TRAF3IP3: variants seen among roughly 807,000 people sequenced by gnomAD.
TRAF3IP3 encodes the protein TRAF3 interacting protein 3, also known as TRAF3-interacting JNK-activating modulator.
A neutral mutation model predicts 86.5 loss-of-function variants in TRAF3IP3; 64 were observed. That is an observed-to-expected ratio of 0.74 (90% CI 0.60 to 0.91). TRAF3IP3 has a LOEUF of 0.91. Among genes scored for constraint, TRAF3IP3 ranks in the 40% least tolerant of loss-of-function variants. The probability of loss-of-function intolerance (pLI) is 0.00; values close to 1 mark genes in which losing one functional copy is unlikely to be tolerated. For missense variants in TRAF3IP3, 579 were observed against 642.9 expected, an observed-to-expected ratio of 0.90 and a Z score of 1.07; for synonymous variants, 220 against 243.9, an observed-to-expected ratio of 0.90 and a Z score of 0.91.
At chr1:209,760,807 A>C (rs1161912895) in intron 3 of TRAF3IP3, among the ~76,000 whole-genome samples, 1 of 152,006 alleles carries the variant, frequency 6.6e-6, no homozygotes, top group Non-Finnish European at 1.5e-5. Context: ...GGTGGTGCAC[A>C]CCTGTAGTCC....
Position 209,760,028 on chromosome 1 carries a change from T to G in TRAF3IP3, c.-12T>G, listed in dbSNP as rs759163069. 2.8e-5 allele frequency: 45 copies of G among 1,600,460 alleles called. No individual in the cohort carries two copies. In the East Asian group the frequency reaches 1.0e-3, roughly 36 times the overall value. Reference sequence around the variant, plus strand: ...ACTGGAAGCCAAGCGCAACAGGTGCTTGGAGGTCATCATGATCAGCCCAGA... The same window carrying G: ...ACTGGAAGCCAAGCGCAACAGGTGCGTGGAGGTCATCATGATCAGCCCAGA... On this transcript the variant is annotated 5_prime_UTR_variant, in exon 3 of 17. Transcript: ENST00000367025.
In TRAF3IP3 at chr1:209,760,404, A is replaced by T; in HGVS notation, c.345+20A>T. The stretch of plus-strand genomic sequence containing the variant: ...GAGCAGGTGGGCCGTGTCAAGGGAC[A>T]TACTGCTGTGTGCTCTGGGACCCTC... On this transcript the variant is annotated intron_variant, in intron 3 of 16. Transcript: ENST00000367025. 6.4e-7 allele frequency: 1 copy of T among 1,551,102 alleles called. No homozygotes were observed. The highest frequency in any genetic ancestry group is 1.2e-5 in the South Asian group (1 of 84,196).
chr1:209,766,011 G>A (rs559144086), intron 8 of TRAF3IP3, among the ~76,000 whole-genome samples: 30 of 152,296 alleles, frequency 2.0e-4, no homozygotes, highest in African/African-American at 5.5e-4. Context: ...AAAGCATACC[G>A]CACCGGGTGG....
At chr1:209,771,063 G>GGT (rs541860748) in intron 8 of TRAF3IP3, among the ~76,000 whole-genome samples, 41,217 of 112,140 alleles carry the variant, frequency 0.37, 9,420 homozygotes, top group African/African-American at 0.65. Context: ...TGCATGTGGA[G>GGT]GTGTGTGTGC....
Position 209,763,494 on chromosome 1 carries a change from G to C in TRAF3IP3, c.609G>C (p.Glu203Asp). The C allele has an allele frequency of 1.2e-6, 2 of 1,614,166 alleles. No homozygotes were observed. Among genetic ancestry groups the C allele is most frequent in the Non-Finnish European group, 1.7e-6 (2 of 1,180,012 alleles). Residue 203 changes from glutamate (E) to aspartate (D), a missense_variant and splice_region_variant, in exon 8 of 17, where the codon GAG becomes GAC. Physicochemically the swap from Glu to Asp is conservative, Grantham distance 45. Coordinates refer to ENST00000367025, the MANE Select transcript of TRAF3IP3 (RefSeq NM_025228.4). Reference sequence around the variant, plus strand: ...GCACTTTGTGCCCGCACCCCCAGGAGGCCCTACAAAGGGAGCTGGTCCTAA... The same window carrying C: ...GCACTTTGTGCCCGCACCCCCAGGACGCCCTACAAAGGGAGCTGGTCCTAA... Reference protein sequence around the residue: ...EIIQLSDYLKEALQRELVLKQ... With the variant: ...EIIQLSDYLKDALQRELVLKQ...
intron 8 of TRAF3IP3, among the ~76,000 whole-genome samples, chr1:209,765,925 C>T (rs1029519423): frequency 6.6e-6 from 1 of 152,160 alleles, no homozygotes; most frequent in African/African-American, 2.4e-5. Context: ...CTCAGAATCC[C>T]CATGTTGAAA....
In TRAF3IP3 at chr1:209,760,020, A is replaced by C; in HGVS notation, c.-20A>C. On this transcript the variant is annotated 5_prime_UTR_variant, in exon 3 of 17. Transcript: ENST00000367025. Reference sequence around the variant, plus strand: ...TTCCAGGAACTGGAAGCCAAGCGCAACAGGTGCTTGGAGGTCATCATGATC... The same window carrying C: ...TTCCAGGAACTGGAAGCCAAGCGCACCAGGTGCTTGGAGGTCATCATGATC... The C allele has an allele frequency of 1.3e-6, 2 of 1,587,796 alleles. No homozygotes were observed. Among genetic ancestry groups the C allele is most frequent in the African/African-American group, 2.7e-5 (2 of 74,364 alleles).
chr1:209,778,153 C>A lies in TRAF3IP3; in HGVS notation c.1232C>A (p.Thr411Asn). ...RSEAEKLTLV[T>N]RVQQLQGLLQ... ...GAGGCAGAGAAACTCACCCTGGTGA[C>A]CAGAGTACAGCAGTTGCAGGGTAAG... Residue 411 changes from threonine to asparagine, a missense_variant, in exon 13 of 17, where the codon ACC becomes AAC. By Grantham distance (65) the Thr-to-Asn change is moderately conservative. Transcript: ENST00000367025. 1 of 1,614,044 alleles carries A rather than the reference C, an allele frequency of 6.2e-7. No individual in the cohort carries two copies. The highest frequency in any genetic ancestry group is 8.5e-7 in the Non-Finnish European group (1 of 1,179,926).
chr1:209,772,749 T>C (rs1264503210), intron 8 of TRAF3IP3, among the ~76,000 whole-genome samples, 199 bp from the exon 9 acceptor site: 1 of 151,438 alleles, frequency 6.6e-6, no homozygotes, highest in Non-Finnish European at 1.5e-5. Context: ...TCTTATTCTT[T>C]CTTGTCCTAG....
rs578240743 is a variant in TRAF3IP3 at position 209,757,634 on chromosome 1, G to C, written c.-160+1325G>C. On this transcript the variant is annotated intron_variant, in intron 1 of 16. Transcript: ENST00000367025. ...CAATATACTCTGTCAAAGAGAGAGA[G>C]GGTTGAGAGGATGAGAGAAGGCATT... 2.0e-5 allele frequency among the ~76,000 whole-genome samples: 3 copies of C among 152,326 alleles called. No homozygotes were observed. In the East Asian group the frequency reaches 5.8e-4, roughly 29 times the overall value.
At chr1:209,763,329 A>C in intron 6 of TRAF3IP3, 34 bp from the exon 7 acceptor site, 5 of 1,610,700 alleles carry the variant, frequency 3.1e-6, no homozygotes, top group Non-Finnish European at 4.2e-6. Flanking sequence ...GGGGACTTAC[A>C]GACATTTTGA....
chr1:209,759,505 C>A (rs962669371), intron 2 of TRAF3IP3, among the ~76,000 whole-genome samples: 2 of 152,178 alleles, frequency 1.3e-5, no homozygotes. Context: ...ATGTTAGTGA[C>A]AGCTTGGACC....
chr1:209,780,643 C>G (rs752004329), intron 15 of TRAF3IP3, 37 bp downstream of exon 15: 1 of 1,472,736 alleles, frequency 6.8e-7, no homozygotes, highest in Non-Finnish European at 9.1e-7. Context: ...GGCTCATTTG[C>G]GAAATAGCAG....
At chr1:209,777,733 T>C (rs2077688546) in intron 12 of TRAF3IP3, 2 of 513,954 alleles carry the variant, frequency 3.9e-6, no homozygotes, top group Middle Eastern at 5.1e-4. Flanking sequence ...AGCCCATCCC[T>C]CTGGGCCAGA....
In TRAF3IP3 at chr1:209,773,037, T is replaced by C. The variant is rs767239161; in HGVS notation, c.774+18T>C. ...GTACCCAGGTAAGCATTCTGAAGGA[T>C]ACTTCCATCTCAGGAATCTAGAATT... On this transcript the variant is annotated intron_variant, in intron 9 of 16. Coordinates refer to ENST00000367025, the MANE Select transcript of TRAF3IP3 (RefSeq NM_025228.4). 1 of 1,577,308 alleles carries C rather than the reference T, an allele frequency of 6.3e-7. No homozygotes were observed. The highest frequency in any genetic ancestry group is 8.6e-7 in the Non-Finnish European group (1 of 1,161,984).
intron 11 of TRAF3IP3, 73 bp downstream of exon 11, chr1:209,775,809 G>A (rs1050398452): frequency 2.8e-6 from 4 of 1,452,532 alleles, no homozygotes; most frequent in Non-Finnish European, 3.7e-6. Context: ...AAGCTGTTCT[G>A]GATTAGGGAC....
At chr1:209,772,012 G>A (rs2077552215) in intron 8 of TRAF3IP3, among the ~76,000 whole-genome samples, 1 of 147,854 alleles carries the variant, frequency 6.8e-6, no homozygotes, top group African/African-American at 2.5e-5. Flanking sequence ...TATGTGTGCA[G>A]GTGGAAGTGT....
chr1:209,770,727 G>GTGCAGGTGGAGGTGTGCA (rs1558019138), intron 8 of TRAF3IP3, among the ~76,000 whole-genome samples: 1 of 146,158 alleles, frequency 6.8e-6, no homozygotes, highest in East Asian at 2.2e-4. Flanking sequence ...GGAGGTGTGC[G>GTGCAGGTGGAGGTGTGCA]TGTGCAGGTG....
At chr1:209,759,435 T>G (rs946834766) in intron 2 of TRAF3IP3, among the ~76,000 whole-genome samples, 1 of 152,210 alleles carries the variant, frequency 6.6e-6, no homozygotes, top group Non-Finnish European at 1.5e-5. Context: ...GTCACAGGAC[T>G]GGTCACCACC....
Sources: allele counts gnomAD v4.1 joint callset (sites outside exome capture counted in the v4.1 genomes callset), GRCh38; gene constraint gnomAD v4.1.1; transcripts MANE v1.5; gene names NCBI Gene and HGNC (gene_info 2026-07-23, HGNC 2026-07-21).